The following ARHGEF10 variants were observed in gnomAD, a reference collection of about 807,000 sequenced individuals.
ARHGEF10 encodes the protein Rho guanine nucleotide exchange factor (GEF) 10.
In ARHGEF10, 140 loss-of-function variants were observed where a neutral mutation model predicts 147.4. The ratio of observed to expected loss-of-function variants is 0.95; its 90% CI spans 0.83 to 1.09. ARHGEF10 has a LOEUF of 1.09. Ranked by LOEUF, ARHGEF10 falls within the 50% of genes least tolerant of loss-of-function variation. The pLI, the probability that ARHGEF10 is intolerant of heterozygous loss-of-function variation, is 0.00. For synonymous variants in ARHGEF10, 902 were observed against 695.8 expected, an observed-to-expected ratio of 1.30 and a Z score of -4.67; for missense variants, 2,222 against 1,752.7, an observed-to-expected ratio of 1.27 and a Z score of -4.78.
intron 12 of ARHGEF10, 23 bp downstream of exon 12, chr8:1,893,669 A>G (rs1349587984): frequency 6.8e-7 from 1 of 1,472,268 alleles, no homozygotes; most frequent in African/African-American, 1.4e-5. Context: ...CGTGTTACAT[A>G]ATACATACAT....
chr8:1,826,579 C>T (rs757193507), intron 1 of ARHGEF10, among the ~76,000 whole-genome samples: 2 of 152,078 alleles, frequency 1.3e-5, no homozygotes, highest in African/African-American at 2.4e-5. Flanking sequence ...TGCTCACTTA[C>T]GAAGTTGCTA....
At chr8:1,857,625 G>T (rs188091592) in intron 2 of ARHGEF10, among the ~76,000 whole-genome samples, 1 of 151,772 alleles carries the variant, frequency 6.6e-6, no homozygotes, top group Non-Finnish European at 1.5e-5. Flanking sequence ...TCACCATGTT[G>T]GCCAGGCTGG....
intron 8 of ARHGEF10, among the ~76,000 whole-genome samples, chr8:1,878,337 C>T (rs1171003667): frequency 1.3e-5 from 2 of 152,042 alleles, no homozygotes; most frequent in Non-Finnish European, 2.9e-5. Context: ...TTATAGGCAC[C>T]TTCCACTACC....
chr8:1,912,264 G>A (rs1020185493), intron 18 of ARHGEF10, among the ~76,000 whole-genome samples: 8 of 152,180 alleles, frequency 5.3e-5, no homozygotes, highest in East Asian at 1.9e-4. Context: ...TTTGCCGTGC[G>A]GTATTAGACT....
chr8:1,889,923 G>T (rs2129146656), intron 11 of ARHGEF10, among the ~76,000 whole-genome samples: 1 of 133,138 alleles, frequency 7.5e-6, no homozygotes, highest in African/African-American at 3.0e-5. Context: ...AGGAGGCAGT[G>T]AGTGGGGCGA....
intron 25 of ARHGEF10, among the ~76,000 whole-genome samples, chr8:1,931,473 C>G (rs1563303867): frequency 6.6e-6 from 1 of 152,254 alleles, no homozygotes; most frequent in Admixed American, 6.5e-5. Flanking sequence ...CCTTGTCAGA[C>G]GCGTTGCATG....
At chr8:1,829,358 C>A (rs1228113824) in intron 1 of ARHGEF10, among the ~76,000 whole-genome samples, 1 of 152,352 alleles carries the variant, frequency 6.6e-6, no homozygotes, top group African/African-American at 2.4e-5. Context: ...ACCAGTGGGA[C>A]GTGGTAAGGC....
At chr8:1,882,811 G>C (rs560535727) in intron 10 of ARHGEF10, 62 bp downstream of exon 10, 3 of 938,018 alleles carry the variant, frequency 3.2e-6, no homozygotes, top group Admixed American at 2.2e-5. Flanking sequence ...GCCACATCTT[G>C]TGGGGAGGAC....
At position 1,903,458 on chromosome 8, in the gene ARHGEF10, A is replaced by T. The variant is rs1385491839; in HGVS notation, c.1821+7A>T. 1.2e-6 allele frequency: 2 copies of T among 1,613,906 alleles called. No individual in the cohort carries two copies. The highest frequency in any genetic ancestry group is 1.7e-6 in the Non-Finnish European group (2 of 1,180,038). On this transcript the variant is annotated splice_region_variant and intron_variant, in intron 16 of 28. Coordinates refer to ENST00000349830, the MANE Select transcript of ARHGEF10 (RefSeq NM_014629.4). ...CGAAAGATACCTGAACAAGGTTGAG[A>T]GAGGTTTTCTTCAACTCTATTCCAA... is the stretch of plus-strand genomic sequence containing the variant.
Position 1,893,557 on chromosome 8 carries a change from A to G in ARHGEF10, c.1183-12A>G. 6.2e-7 allele frequency: 1 copy of G among 1,604,518 alleles called. No homozygotes were observed. The highest frequency in any genetic ancestry group is 1.1e-5 in the South Asian group (1 of 90,852). On this transcript the variant is annotated splice_polypyrimidine_tract_variant and intron_variant, in intron 11 of 28. Transcript: ENST00000349830. ...GCAGTTTTCTATCATTGTACTTCCA[A>G]ATTTCCAACAGGTTGTAAGAAGATA...
At chr8:1,950,457 T>C (rs1331790376) in intron 27 of ARHGEF10, among the ~76,000 whole-genome samples, 1 of 152,256 alleles carries the variant, frequency 6.6e-6, no homozygotes, top group Non-Finnish European at 1.5e-5. Flanking sequence ...ACGTCGTTCC[T>C]GGGTACTTTG....
intron 14 of ARHGEF10, among the ~76,000 whole-genome samples, chr8:1,897,536 G>A (rs1280330574): frequency 5.3e-5 from 8 of 149,836 alleles, no homozygotes; most frequent in Admixed American, 1.3e-4. Context: ...GCATCGGATC[G>A]CAGTTCCCCC....
At chr8:1,954,714 T>A (rs1815338645) in intron 28 of ARHGEF10, among the ~76,000 whole-genome samples, 1 of 152,200 alleles carries the variant, frequency 6.6e-6, no homozygotes, top group Non-Finnish European at 1.5e-5. Context: ...GAGTTTTACG[T>A]CAATTATTCC....
In ARHGEF10 at chr8:1,934,015, G is replaced by T. The variant is rs1182346498; in HGVS notation, c.3222+73G>T. The T allele has an allele frequency of 5.6e-6, 9 of 1,600,016 alleles. No individual in the cohort carries two copies. The South Asian group carries it at 9.9e-5, about 18-fold the overall frequency. On this transcript the variant is annotated intron_variant, in intron 26 of 28. Transcript: ENST00000349830. ...AACAGCTCAGCTGACTTCTGGTGCCGAAGTCAAGGCTTCTTGCCTGTGGCT... is the reference window on the plus strand; with the variant it reads ...AACAGCTCAGCTGACTTCTGGTGCCTAAGTCAAGGCTTCTTGCCTGTGGCT...
intron 11 of ARHGEF10, among the ~76,000 whole-genome samples, chr8:1,889,452 G>A (rs1319145830): frequency 1.5e-4 from 11 of 71,902 alleles, no homozygotes; most frequent in African/African-American, 6.9e-4. Context: ...GACACTGAGT[G>A]GGGTGAGGGG....
chr8:1,935,926 C>T (rs972910201), intron 26 of ARHGEF10, among the ~76,000 whole-genome samples: 2 of 152,288 alleles, frequency 1.3e-5, no homozygotes, highest in Non-Finnish European at 1.5e-5. Context: ...GAGCTCACTC[C>T]GAGGGAGGCT....
At chr8:1,861,814 G>C (rs1301442176) in intron 4 of ARHGEF10, among the ~76,000 whole-genome samples, 2 of 152,142 alleles carry the variant, frequency 1.3e-5, no homozygotes, top group Non-Finnish European at 2.9e-5. Context: ...AGAACCCCCT[G>C]GAAATGAGGG....
intron 11 of ARHGEF10, among the ~76,000 whole-genome samples, chr8:1,891,942 A>G (rs1809562903): frequency 6.7e-6 from 1 of 149,960 alleles, no homozygotes; most frequent in Non-Finnish European, 1.5e-5. Context: ...AAAAATATAC[A>G]TACATAATAT....
At chr8:1,846,120 G>A (rs2129054429) in intron 2 of ARHGEF10, among the ~76,000 whole-genome samples, 1 of 152,356 alleles carries the variant, frequency 6.6e-6, no homozygotes, top group Non-Finnish European at 1.5e-5. Context: ...TTTCACCCAG[G>A]AGGGTGTCCT....
Sources: gnomAD v4.1 joint callset for allele counts (sites outside exome capture counted in the v4.1 genomes callset) on GRCh38, gnomAD v4.1.1 for gene constraint, MANE v1.5 for transcripts, NCBI Gene and HGNC (gene_info 2026-07-23, HGNC 2026-07-21) for gene names.